Variants in MTMR10 observed in about 807,000 individuals in gnomAD.
The protein encoded by MTMR10 is myotubularin related protein 10.
A neutral mutation model predicts 88.1 loss-of-function variants in MTMR10; 56 were observed. The observed-to-expected ratio is 0.64, with a 90% CI of 0.51 to 0.79. The LOEUF is 0.79. MTMR10 is among the 30% of genes least tolerant of loss of function. The pLI is 0.00. For missense variants in MTMR10, 883 were observed against 924.7 expected, an observed-to-expected ratio of 0.95 and a Z score of 0.58; for synonymous variants, 380 against 340.9, an observed-to-expected ratio of 1.11 and a Z score of -1.26.
chr15:30,976,758 A>G, intron 3 of MTMR10, 61 bp downstream of exon 3: 1 of 1,531,476 alleles, frequency 6.5e-7, no homozygotes, highest in Non-Finnish European at 8.8e-7. Flanking sequence ...TTTATATAAT[A>G]ATATGTACCA....
intron 10 of MTMR10, 77 bp downstream of exon 10, chr15:30,954,686 G>T: frequency 7.5e-7 from 1 of 1,326,792 alleles, no homozygotes; most frequent in Non-Finnish European, 1.0e-6. Context: ...ACATTTTTAA[G>T]AACATCACTT....
chr15:30,974,804 CA>C, intron 4 of MTMR10, 126 bp downstream of exon 4: 6 of 621,172 alleles, frequency 9.7e-6, no homozygotes, highest in South Asian at 3.8e-5. Flanking sequence ...TCCCGGGACT[CA>C]AAAAAACGGC....
In MTMR10 at chr15:30,940,747, T is replaced by C. The variant is rs1469812759; in HGVS notation, c.*723A>G. On this transcript the variant is annotated 3_prime_UTR_variant, in exon 16 of 16. Coordinates refer to ENST00000435680, the MANE Select transcript of MTMR10 (RefSeq NM_017762.3). ...TGAAAAGCCTATTTCAAATATGCAATGGGATTTTCCCACCCCAATTTTAAA... is the reference window on the plus strand; with the variant it reads ...TGAAAAGCCTATTTCAAATATGCAACGGGATTTTCCCACCCCAATTTTAAA... 2.0e-6 allele frequency: 2 copies of C among 989,950 alleles called. No homozygotes were observed. Among genetic ancestry groups the C allele is most frequent in the East Asian group, 1.1e-4 (1 of 8,920 alleles). 61.3% of individuals were successfully genotyped at this position (989,950 alleles called of 1,614,324 possible).
intron 2 of MTMR10, among the ~76,000 whole-genome samples, chr15:30,985,802 C>A (rs912043699): frequency 2.2e-4 from 33 of 152,208 alleles, no homozygotes; most frequent in African/African-American, 8.0e-4. Flanking sequence ...GTTCTTCACT[C>A]TTTTCAACAG....
downstream of MTMR10, among the ~76,000 whole-genome samples, chr15:30,935,345 G>A (rs549899259): frequency 3.9e-5 from 6 of 152,082 alleles, no homozygotes; most frequent in East Asian, 1.2e-3. Flanking sequence ...AAATTTCCAT[G>A]TCTAGAAGTT....
intron 14 of MTMR10, among the ~76,000 whole-genome samples, chr15:30,944,457 T>A (rs985898623): frequency 6.6e-6 from 1 of 151,136 alleles, no homozygotes; most frequent in Admixed American, 6.6e-5. Context: ...TCCCAGCTAC[T>A]CGGGAGGCTG....
At position 30,961,941 on chromosome 15, in the gene MTMR10, A is replaced by G. The variant is rs145533902; in HGVS notation, c.566-868T>C. Among the ~76,000 whole-genome samples the G allele has an allele frequency of 2.0e-4, 31 of 152,306 alleles. 1 individual carries two copies. In the East Asian group the frequency reaches 5.8e-3, roughly 28 times the overall value. On this transcript the variant is annotated intron_variant, in intron 6 of 15. Coordinates refer to ENST00000435680, the MANE Select transcript of MTMR10 (RefSeq NM_017762.3). ...CACATATTTTGCCTGGAAAAATGAA[A>G]CATCCAACAATCATCTCTGTCCTCA...
chr15:30,975,966 C>T (rs1011097368), intron 3 of MTMR10, among the ~76,000 whole-genome samples: 5 of 151,790 alleles, frequency 3.3e-5, no homozygotes, highest in Admixed American at 6.6e-5. Flanking sequence ...CTTCTAAAAA[C>T]CAAAATTACA....
At chr15:30,956,001 GT>G (rs36077293) in intron 9 of MTMR10, among the ~76,000 whole-genome samples, 79,545 of 146,142 alleles carry the variant, frequency 0.54, 22,239 homozygotes, top group East Asian at 0.96. Context: ...CCCTGCTGTT[GT>G]TTTTTTTTTT....
chr15:30,977,284 C>G (rs960519846), intron 2 of MTMR10, among the ~76,000 whole-genome samples: 11 of 152,196 alleles, frequency 7.2e-5, no homozygotes, highest in African/African-American at 2.7e-4. Context: ...ATAAACTACA[C>G]CTGCTCCTTC....
rs2030195468 is a variant in MTMR10, at chr15:30,976,926, C to T, written c.151G>A (p.Val51Met). The T allele has an allele frequency of 6.2e-7, 1 of 1,613,272 alleles. No homozygotes were observed. The highest frequency in any genetic ancestry group is 1.1e-5 in the South Asian group (1 of 90,880). ...GTGTCTGTTGCAATGCATTTTCTCA[C>T]AAAATTGACTTCATTTACGACAATT... ...GEIVVNEVNF[V>M]RKCIATDTSQ... The change falls in exon 3 of 16, where the codon GTG becomes ATG. Residue 51 changes from valine (V) to methionine (M), a missense_variant. Val to Met is a conservative substitution (Grantham distance 21, BLOSUM62 1). Coordinates refer to ENST00000435680, the MANE Select transcript of MTMR10 (RefSeq NM_017762.3).
the MTMR10 span, among the ~76,000 whole-genome samples, chr15:30,924,223 T>G: frequency 6.6e-6 from 1 of 152,228 alleles, no homozygotes. Context: ...TAGCATCTGA[T>G]ACCACATTTT....
At chr15:30,963,384 A>G (rs2063429308) in intron 6 of MTMR10, among the ~76,000 whole-genome samples, 1 of 152,068 alleles carries the variant, frequency 6.6e-6, no homozygotes, top group Non-Finnish European at 1.5e-5. Context: ...TAATCCCAAC[A>G]CTTTGGGAGG....
the MTMR10 span, among the ~76,000 whole-genome samples, chr15:30,921,004 G>A: frequency 1.3e-5 from 2 of 152,128 alleles, no homozygotes; most frequent in South Asian, 2.1e-4. Flanking sequence ...GGCTGATCTC[G>A]AACTCCTGGG....
chr15:30,991,178 A>C, intron 1 of MTMR10: 1 of 477,468 alleles, frequency 2.1e-6, no homozygotes, highest in South Asian at 4.0e-5. Flanking sequence ...CCAGCTCCCA[A>C]GGCTCCCCTG....
rs201843365 is a variant in MTMR10 at position 30,939,666 on chromosome 15, G to A, written c.*1804C>T. 2.1e-5 allele frequency: 10 copies of A among 486,690 alleles called. No homozygotes were observed. Among genetic ancestry groups the A allele is most frequent in the African/African-American group, 2.7e-5 (1 of 37,596 alleles). 30.1% of individuals were successfully genotyped at this position (486,690 alleles called of 1,614,324 possible). ...AAATACTACAAGAGTTAAAATAAAC[G>A]TGAAGGAAGAAAATTACAGAGGGAA... On this transcript the variant is annotated 3_prime_UTR_variant, in exon 16 of 16. Coordinates refer to ENST00000435680, the MANE Select transcript of MTMR10 (RefSeq NM_017762.3).
rs1344970824 is a variant in MTMR10, at chr15:30,990,843, A to C, written c.61-6T>G. On this transcript the variant is annotated splice_polypyrimidine_tract_variant and splice_region_variant and intron_variant, in intron 1 of 15. Coordinates refer to ENST00000435680, the MANE Select transcript of MTMR10 (RefSeq NM_017762.3). The stretch of plus-strand genomic sequence containing the variant: ...GAATTGATCTTATCGTCAGTCTGAA[A>C]TACATTAGCAAAATAAATCAAAATC... 1 of 1,594,818 alleles carries C rather than the reference A, an allele frequency of 6.3e-7. No homozygotes were observed. Among genetic ancestry groups the C allele is most frequent in the Middle Eastern group, 1.7e-4 (1 of 6,040 alleles).
chr15:30,991,479 T>C lies in MTMR10; in HGVS notation c.28A>G (p.Thr10Ala), dbSNP rs755463889. ...GGTGGCAGGAGGTAGGACCTGAAGG[T>C]GGGTTTGGGCGGCTTGAGGGAGAAC... MFSLKPPKPTFRSYLLPPPQ... is the reference protein window; with the variant it reads MFSLKPPKPAFRSYLLPPPQ... The change falls in exon 1 of 16, where the codon ACC becomes GCC. Residue 10 changes from threonine (T) to alanine (A), a missense_variant. Around this residue, in one of 3 missense-constraint regions of MTMR10, gnomAD observed 414 missense variants for 423.2 expected, o/e 0.98. Coordinates refer to ENST00000435680, the MANE Select transcript of MTMR10 (RefSeq NM_017762.3). The C allele has an allele frequency of 6.6e-7, 1 of 1,514,374 alleles. No homozygotes were observed. 93.8% of individuals were successfully genotyped at this position (1,514,374 alleles called of 1,614,324 possible). A position where few individuals can be genotyped will look rare whatever the true frequency, so the allele number is the denominator to read the frequency against.
rs549035253 is a variant in MTMR10 at position 30,939,107 on chromosome 15, G to T, written c.*2363C>A. ...GGAAATCAAGTTTTAACCACTTGAGGTTACTACTGCAGCAAGCAGATTTTG... is the reference window on the plus strand; with the variant it reads ...GGAAATCAAGTTTTAACCACTTGAGTTTACTACTGCAGCAAGCAGATTTTG... On this transcript the variant is annotated 3_prime_UTR_variant, in exon 16 of 16. Coordinates refer to ENST00000435680, the MANE Select transcript of MTMR10 (RefSeq NM_017762.3). 2 of 985,380 alleles carry T rather than the reference G, an allele frequency of 2.0e-6. No individual in the cohort carries two copies. Among genetic ancestry groups the T allele is most frequent in the Non-Finnish European group, 2.4e-6 (2 of 829,902 alleles). The allele number at this position is 985,380 out of a possible 1,614,324, so 61.0% of individuals were successfully genotyped here. A position where few individuals can be genotyped will look rare whatever the true frequency, so the allele number is the denominator to read the frequency against.
Sources: gnomAD v4.1 joint callset for allele counts (sites outside exome capture counted in the v4.1 genomes callset) on GRCh38, gnomAD v4.1.1 for gene constraint, gnomAD v4.1.1 regional missense constraint, MANE v1.5 for transcripts, NCBI Gene and HGNC (gene_info 2026-07-23, HGNC 2026-07-21) for gene names.